Variants in SAMD5 observed in about 807,000 individuals in gnomAD.
The protein encoded by SAMD5 is sterile alpha motif domain containing 5.
In SAMD5, 13 loss-of-function variants were observed where a neutral mutation model predicts 11.3. The ratio of observed to expected loss-of-function variants is 1.15; its 90% CI spans 0.75 to 1.83. The LOEUF (loss-of-function observed/expected upper bound fraction) is 1.83, where lower values mean the gene tolerates loss of function less well. SAMD5 is among the 40% of genes most tolerant of loss of function. The probability of loss-of-function intolerance (pLI) is 0.00; values close to 1 mark genes in which losing one functional copy is unlikely to be tolerated. For missense variants in SAMD5, 255 were observed against 239.1 expected, an observed-to-expected ratio of 1.07 and a Z score of -0.44; for synonymous variants, 129 against 111.3, an observed-to-expected ratio of 1.16 and a Z score of -1.00.
At chr6:147,595,522 C>CTTTTTTTT (rs770537446) in intron 1 of SAMD5, among the ~76,000 whole-genome samples, 79 of 106,650 alleles carry the variant, frequency 7.4e-4, no homozygotes, top group African/African-American at 2.8e-3. Context: ...ACTAAACTAC[C>CTTTTTTTT]TTTTTTTTTT....
At chr6:147,911,191 A>C in the SAMD5 span, among the ~76,000 whole-genome samples, 5 of 152,202 alleles carry the variant, frequency 3.3e-5, no homozygotes, top group African/African-American at 1.2e-4. Context: ...ATAGTGAATG[A>C]GAAGGAAGCT....
At chr6:147,831,346 T>G in the SAMD5 span, among the ~76,000 whole-genome samples, 2 of 152,240 alleles carry the variant, frequency 1.3e-5, no homozygotes, top group Non-Finnish European at 2.9e-5. Flanking sequence ...TGAGCATATG[T>G]GAATGGTGAG....
chr6:147,918,010 CT>C, the SAMD5 span, among the ~76,000 whole-genome samples: 1 of 152,070 alleles, frequency 6.6e-6, no homozygotes, highest in African/African-American at 2.4e-5. Flanking sequence ...CAGCTTTGTT[CT>C]TTTTGCTTAG....
At chr6:147,766,103 AG>A in the SAMD5 span, among the ~76,000 whole-genome samples, 3 of 148,698 alleles carry the variant, frequency 2.0e-5, no homozygotes, top group African/African-American at 7.4e-5. Flanking sequence ...AAGCAATGGA[AG>A]AAAAAAAAAA....
the SAMD5 span, among the ~76,000 whole-genome samples, chr6:147,935,565 A>C: frequency 1.3e-5 from 2 of 152,224 alleles, no homozygotes; most frequent in African/African-American, 4.8e-5. Context: ...TACTATGTCT[A>C]TTAAAGCAGA....
chr6:147,510,367 T>A (rs1385088217), intron 1 of SAMD5, among the ~76,000 whole-genome samples: 1 of 152,142 alleles, frequency 6.6e-6, no homozygotes, highest in African/African-American at 2.4e-5. Flanking sequence ...GGGTCCTGAC[T>A]TGATAGAGAA....
At chr6:147,803,734 G>C in the SAMD5 span, among the ~76,000 whole-genome samples, 7 of 152,322 alleles carry the variant, frequency 4.6e-5, no homozygotes, top group Admixed American at 4.6e-4. Context: ...AAGTAGCAAA[G>C]TCAGGATTTG....
At chr6:147,681,846 A>G (rs1172924757) in intron 1 of SAMD5, among the ~76,000 whole-genome samples, 1 of 152,158 alleles carries the variant, frequency 6.6e-6, no homozygotes, top group Non-Finnish European at 1.5e-5. Flanking sequence ...CCCATGAGCT[A>G]TGAGGTGTTA....
intron 1 of SAMD5, among the ~76,000 whole-genome samples, chr6:147,512,020 T>C (rs1241861246): frequency 6.6e-6 from 1 of 151,982 alleles, no homozygotes; most frequent in Non-Finnish European, 1.5e-5. Context: ...CAGTGCCAGA[T>C]CTCGGCTCAC....
intron 1 of SAMD5, among the ~76,000 whole-genome samples, chr6:147,674,981 A>G (rs1040333019): frequency 6.6e-6 from 1 of 152,210 alleles, no homozygotes; most frequent in Non-Finnish European, 1.5e-5. Context: ...GCAGACATCA[A>G]TAATTGAGCA....
intron 1 of SAMD5, among the ~76,000 whole-genome samples, chr6:147,512,119 G>A (rs1419502590): frequency 2.0e-5 from 3 of 152,008 alleles, no homozygotes; most frequent in African/African-American, 4.8e-5. Flanking sequence ...CACCACGCCC[G>A]GCTAAGTTTT....
At chr6:147,670,545 T>G (rs1790780587) in intron 1 of SAMD5, among the ~76,000 whole-genome samples, 1 of 152,256 alleles carries the variant, frequency 6.6e-6, no homozygotes, top group African/African-American at 2.4e-5. Flanking sequence ...ATCTTAAATC[T>G]TCTGAATAAC....
chr6:147,806,126 G>A, the SAMD5 span, among the ~76,000 whole-genome samples: 315 of 152,250 alleles, frequency 2.1e-3, 1 homozygote, highest in Non-Finnish European at 3.6e-3. Context: ...CCACAAGAAA[G>A]ACAGCTACAG....
chr6:147,630,206 C>T (rs897968980), intron 1 of SAMD5, among the ~76,000 whole-genome samples: 1 of 152,104 alleles, frequency 6.6e-6, no homozygotes, highest in Non-Finnish European at 1.5e-5. Flanking sequence ...GCCTCAGCTT[C>T]CCAAAGTGCT....
chr6:147,749,662 CAAAG>C, the SAMD5 span, among the ~76,000 whole-genome samples: 1,038 of 152,142 alleles, frequency 6.8e-3, 11 homozygotes, highest in African/African-American at 0.024. Flanking sequence ...ATGTGAATGG[CAAAG>C]AAGCCAGAGG....
chr6:147,828,007 C>T, the SAMD5 span, among the ~76,000 whole-genome samples: 5 of 151,768 alleles, frequency 3.3e-5, no homozygotes, highest in Non-Finnish European at 7.4e-5. Flanking sequence ...GCCGTGGTCT[C>T]GATCTCCTGA....
the SAMD5 span, among the ~76,000 whole-genome samples, chr6:147,863,687 C>T: frequency 6.6e-6 from 1 of 151,656 alleles, no homozygotes; most frequent in East Asian, 1.9e-4. Flanking sequence ...GACCCAAGGT[C>T]TGACCTTTCA....
At chr6:147,694,132 C>T (rs944359236) in intron 1 of SAMD5, among the ~76,000 whole-genome samples, 1 of 152,144 alleles carries the variant, frequency 6.6e-6, no homozygotes, top group Non-Finnish European at 1.5e-5. Context: ...GGAGTTGGTT[C>T]CTCTGCAAAT....
the SAMD5 span, among the ~76,000 whole-genome samples, chr6:147,920,167 G>A: frequency 6.6e-6 from 1 of 152,186 alleles, no homozygotes; most frequent in Non-Finnish European, 1.5e-5. Flanking sequence ...CAGTGGACTG[G>A]AAAAGGCAGA....
Sources: allele counts gnomAD v4.1 joint callset (sites outside exome capture counted in the v4.1 genomes callset), GRCh38; gene constraint gnomAD v4.1.1; transcripts MANE v1.5; gene names NCBI Gene and HGNC (gene_info 2026-07-23, HGNC 2026-07-21).